Variants in TARBP1 observed in about 807,000 individuals in gnomAD.
TARBP1 encodes the protein tRNA guanosine 2 -O-methyltransferase TARBP1, also known as tRNA (guanosine(18)-2'-O)-methyltransferase TARBP1.
A neutral mutation model predicts 178.6 loss-of-function variants in TARBP1; 144 were observed. The observed-to-expected ratio is 0.81, with a 90% CI of 0.70 to 0.93. The LOEUF is 0.93. TARBP1 is among the 40% of genes least tolerant of loss of function. TARBP1 has a pLI of 0.00. For missense variants in TARBP1, 2,067 were observed against 2,011.7 expected (o/e 1.03, Z -0.53); for synonymous variants, 787 against 781.0 (o/e 1.01, Z -0.13).
chr1:234,394,505 G>T (rs1659715665), intron 26 of TARBP1, among the ~76,000 whole-genome samples: 1 of 152,286 alleles, frequency 6.6e-6, no homozygotes, highest in Non-Finnish European at 1.5e-5. Flanking sequence ...GTTCACTTAG[G>T]ATAGGACAGA....
chr1:234,450,636 G>A (rs1175007001), intron 9 of TARBP1, 70 bp from the exon 10 acceptor site: 27 of 1,513,188 alleles, frequency 1.8e-5, no homozygotes, highest in Middle Eastern at 3.8e-4. Flanking sequence ...ATCTCCTTAA[G>A]CCACGTTTCT....
intron 9 of TARBP1, among the ~76,000 whole-genome samples, chr1:234,454,735 C>T (rs1667115911): frequency 6.6e-6 from 1 of 152,196 alleles, no homozygotes; most frequent in African/African-American, 2.4e-5. Context: ...AATCCTGCTT[C>T]ACAACAGGCA....
In TARBP1 at chr1:234,392,518, T is replaced by G. The variant is rs765309916; in HGVS notation, c.4595A>C (p.Gln1532Pro). The G allele has an allele frequency of 3.1e-6, 5 of 1,614,148 alleles. No individual in the cohort carries two copies. In the Admixed American group the frequency reaches 6.7e-5, roughly 22 times the overall value. Reference protein sequence around the residue: ...KPPQLIDYLQQKKTEGYTIIG... With the variant: ...KPPQLIDYLQPKKTEGYTIIG... The stretch of plus-strand genomic sequence containing the variant: ...GATGGTATAACCTTCTGTTTTCTTC[T>G]GCTGCAGATAATCAATTAGCTGAGG... Residue 1532 changes from glutamine (Q) to proline (P), a missense_variant, in exon 29 of 30, where the codon CAG (glutamine) becomes CCG (proline). Coordinates refer to ENST00000040877, the MANE Select transcript of TARBP1 (RefSeq NM_005646.4).
chr1:234,429,687 A>G lies in TARBP1; in HGVS notation c.2610-10T>C, dbSNP rs769661028. 11 of 1,585,322 alleles carry G rather than the reference A, an allele frequency of 6.9e-6. No individual in the cohort carries two copies. The East Asian group carries it at 2.5e-4, about 35-fold the overall frequency. On this transcript the variant is annotated splice_polypyrimidine_tract_variant and intron_variant, in intron 15 of 29. Coordinates refer to ENST00000040877, the MANE Select transcript of TARBP1 (RefSeq NM_005646.4). The stretch of plus-strand genomic sequence containing the variant: ...CGATTCTTCCAAAACACTGAAATAA[A>G]AAATAAAGTTACTAGGCCATACTTC...
At chr1:234,394,644 T>C (rs946564571) in intron 26 of TARBP1, among the ~76,000 whole-genome samples, 1 of 152,172 alleles carries the variant, frequency 6.6e-6, no homozygotes, top group Non-Finnish European at 1.5e-5. Context: ...AGGTAAAAGT[T>C]TGCAAAGCAG....
rs1669842038 is a variant in TARBP1, at chr1:234,478,805, G to C, written c.299C>G (p.Ala100Gly). The C allele has an allele frequency of 1.7e-6, 2 of 1,144,938 alleles. No individual in the cohort carries two copies. Among genetic ancestry groups the C allele is most frequent in the Non-Finnish European group, 2.1e-6 (2 of 934,872 alleles). The allele number at this position is 1,144,938 out of a possible 1,614,324, so 70.9% of individuals were successfully genotyped here. A position where few individuals can be genotyped will look rare whatever the true frequency, so the allele number is the denominator to read the frequency against. ...PRHRRRVLRAAGAALRSCVRL... is the reference protein window; with the variant it reads ...PRHRRRVLRAGGAALRSCVRL... The stretch of plus-strand genomic sequence containing the variant: ...GACGCACGAGCGCAGGGCCGCGCCC[G>C]CCGCCCTCAGCACGCGCCGGCGGTG... Residue 100 changes from alanine to glycine, a missense_variant, in exon 1 of 30, where the codon GCG becomes GGG. Coordinates refer to ENST00000040877, the MANE Select transcript of TARBP1 (RefSeq NM_005646.4).
intron 25 of TARBP1, chr1:234,400,440 A>C (rs2103042177): frequency 6.6e-6 from 1 of 152,142 alleles, no homozygotes; most frequent in South Asian, 2.1e-4. Flanking sequence ...CAATATATAG[A>C]TCTATACTTT....
chr1:234,464,692 T>G (rs2103276479), intron 5 of TARBP1, among the ~76,000 whole-genome samples: 1 of 150,940 alleles, frequency 6.6e-6, no homozygotes, highest in African/African-American at 2.5e-5. Flanking sequence ...AGAGACTAAT[T>G]AAAAATGTTT....
intron 12 of TARBP1, among the ~76,000 whole-genome samples, chr1:234,444,037 G>C (rs1473930634): frequency 1.3e-5 from 2 of 152,196 alleles, no homozygotes; most frequent in African/African-American, 4.8e-5. Context: ...GGATGATGGT[G>C]ATGGCTGCAC....
rs550625870 is a variant in TARBP1 at position 234,468,008 on chromosome 1, A to G, written c.1100-358T>C. 4.1e-4 allele frequency among the ~76,000 whole-genome samples: 62 copies of G among 152,250 alleles called. 1 individual carries two copies. Among genetic ancestry groups the G allele is most frequent in the African/African-American group, 1.5e-3 (61 of 41,546 alleles). ...TGCCTAGGTTGGTCTCAAACTCCTG[A>G]GTTCAAGTGATCCTCCATCCTCGGC... On this transcript the variant is annotated intron_variant, in intron 3 of 29. Coordinates refer to ENST00000040877, the MANE Select transcript of TARBP1 (RefSeq NM_005646.4).
chr1:234,472,036 T>C (rs1349227008), intron 2 of TARBP1, among the ~76,000 whole-genome samples: 5 of 152,002 alleles, frequency 3.3e-5, no homozygotes, highest in Non-Finnish European at 5.9e-5. Context: ...TGGGAACTTG[T>C]AAAAAACTCA....
chr1:234,450,308 T>C (rs950646162), intron 10 of TARBP1, 120 bp downstream of exon 10: 1 of 691,780 alleles, frequency 1.4e-6, no homozygotes, highest in South Asian at 2.6e-5. Flanking sequence ...GAAATACAAG[T>C]TTGGCATCAA....
intron 12 of TARBP1, among the ~76,000 whole-genome samples, chr1:234,445,323 C>T (rs1272924679): frequency 1.3e-5 from 2 of 152,230 alleles, no homozygotes; most frequent in African/African-American, 4.8e-5. Flanking sequence ...TCTGTCTACA[C>T]TTGCTCCCCT....
chr1:234,444,731 C>T (rs968361774), intron 12 of TARBP1, among the ~76,000 whole-genome samples: 1 of 152,036 alleles, frequency 6.6e-6, no homozygotes, highest in Non-Finnish European at 1.5e-5. Context: ...AGAACTTCTA[C>T]GACCTCCTAT....
intron 2 of TARBP1, among the ~76,000 whole-genome samples, chr1:234,471,883 C>T (rs1669097238): frequency 6.6e-6 from 1 of 152,052 alleles, no homozygotes; most frequent in Admixed American, 6.5e-5. Flanking sequence ...TTATTTAAGT[C>T]CACAAACAAG....
rs528109586 is a variant in TARBP1 at position 234,479,135 on chromosome 1, C to T, written c.-32G>A. 3.1e-5 allele frequency: 46 copies of T among 1,499,332 alleles called. No individual in the cohort carries two copies. In the African/African-American group the frequency reaches 4.4e-4, roughly 14 times the overall value. 92.9% of individuals were successfully genotyped at this position (1,499,332 alleles called of 1,614,324 possible). A position where few individuals can be genotyped will look rare whatever the true frequency, so the allele number is the denominator to read the frequency against. On this transcript the variant is annotated 5_prime_UTR_variant, in exon 1 of 30. Transcript: ENST00000040877. ...AGCGCCCGCGCCACCGGCCCGGGCT[C>T]CCAAAGGAAGGCGCCGGCGTGTGCG...
At chr1:234,419,434 C>A (rs188564830) in intron 21 of TARBP1, among the ~76,000 whole-genome samples, 126 of 152,260 alleles carry the variant, frequency 8.3e-4, no homozygotes, top group African/African-American at 2.9e-3. Flanking sequence ...CTCTCAACTG[C>A]AGTGCTCTTA....
chr1:234,403,174 C>T (rs561037390), intron 24 of TARBP1, among the ~76,000 whole-genome samples: 3 of 152,290 alleles, frequency 2.0e-5, no homozygotes, highest in East Asian at 3.9e-4. Flanking sequence ...CAACCCAAGC[C>T]TGGCCCTGGC....
chr1:234,478,659 GC>G lies in TARBP1; in HGVS notation c.444del (p.Pro149HisfsTer78). ...EAAVEVLAAV[G>X]PCLRPREDGP... ...CCGTCCTCGCGGGGCCGCAAACATG[GC>G]CCGACGGCTGCTAGCACTTCCACGG... On this transcript the variant is annotated frameshift_variant, in exon 1 of 30. Coordinates refer to ENST00000040877, the MANE Select transcript of TARBP1 (RefSeq NM_005646.4). LOFTEE classifies it high-confidence loss of function. 1 of 1,265,682 alleles carries G rather than the reference GC, an allele frequency of 7.9e-7. No individual in the cohort carries two copies. The highest frequency in any genetic ancestry group is 2.4e-5 in the South Asian group (1 of 41,356). 78.4% of individuals were successfully genotyped at this position (1,265,682 alleles called of 1,614,324 possible).
Sources: gnomAD v4.1 joint callset for allele counts (sites outside exome capture counted in the v4.1 genomes callset) on GRCh38, gnomAD v4.1.1 for gene constraint, MANE v1.5 for transcripts, NCBI Gene and HGNC (gene_info 2026-07-23, HGNC 2026-07-21) for gene names.